The following GRID1 variants were observed in gnomAD, a reference collection of about 807,000 sequenced individuals.
The protein encoded by GRID1 is glutamate receptor ionotropic, delta-1.
A neutral mutation model predicts 98.0 loss-of-function variants in GRID1; 28 were observed. The ratio of observed to expected loss-of-function variants is 0.29; its 90% CI spans 0.21 to 0.39. The LOEUF (loss-of-function observed/expected upper bound fraction) is 0.39. GRID1 is among the 10% of genes least tolerant of loss of function. The pLI, the probability that GRID1 is intolerant of heterozygous loss-of-function variation, is 1.00. For synonymous variants in GRID1, 553 were observed against 538.5 expected, an observed-to-expected ratio of 1.03 and a Z score of -0.37; for missense variants, 1,111 against 1,340.5, an observed-to-expected ratio of 0.83 and a Z score of 2.67.
chr10:85,847,595 G>A (rs1246262439), intron 8 of GRID1, among the ~76,000 whole-genome samples: 1 of 152,016 alleles, frequency 6.6e-6, no homozygotes, highest in Non-Finnish European at 1.5e-5. Flanking sequence ...CAAGTCAATA[G>A]GGAAATGAAG....
intron 5 of GRID1, among the ~76,000 whole-genome samples, chr10:85,871,126 G>C (rs1843274399): frequency 6.6e-6 from 1 of 152,124 alleles, no homozygotes; most frequent in South Asian, 2.1e-4. Flanking sequence ...ATCATACGTT[G>C]AAAATATCAT....
At chr10:86,033,967 T>C (rs564484973) in intron 4 of GRID1, among the ~76,000 whole-genome samples, 7 of 152,358 alleles carry the variant, frequency 4.6e-5, no homozygotes, top group Non-Finnish European at 7.3e-5. Flanking sequence ...CTGAGGATTC[T>C]GTGTCTACAC....
intron 8 of GRID1, among the ~76,000 whole-genome samples, chr10:85,837,327 G>C (rs1209656716): frequency 2.0e-5 from 3 of 152,136 alleles, no homozygotes; most frequent in Admixed American, 1.3e-4. Context: ...CTCCATCAGG[G>C]TTCCTCCTAC....
chr10:85,906,721 G>C (rs1039068491), intron 5 of GRID1, among the ~76,000 whole-genome samples: 9 of 152,066 alleles, frequency 5.9e-5, no homozygotes, highest in Non-Finnish European at 1.0e-4. Context: ...AACATATCAA[G>C]ATTTGTGGGA....
At chr10:85,686,027 C>A (rs1841265143) in intron 12 of GRID1, among the ~76,000 whole-genome samples, 1 of 152,036 alleles carries the variant, frequency 6.6e-6, no homozygotes, top group Non-Finnish European at 1.5e-5. Flanking sequence ...ATCCCCAAGT[C>A]TATTTTGATC....
chr10:85,736,757 T>C (rs1469300821), intron 8 of GRID1, among the ~76,000 whole-genome samples: 1 of 152,184 alleles, frequency 6.6e-6, no homozygotes, highest in African/African-American at 2.4e-5. Context: ...GAACTCACTA[T>C]CTTGAATCAG....
intron 12 of GRID1, among the ~76,000 whole-genome samples, chr10:85,692,380 G>A (rs1313960118): frequency 2.0e-5 from 3 of 152,142 alleles, no homozygotes; most frequent in Admixed American, 1.3e-4. Context: ...CAAAAGGAGA[G>A]GATGGGTGCA....
chr10:86,297,404 T>C (rs1372101779), intron 2 of GRID1, among the ~76,000 whole-genome samples: 1 of 152,198 alleles, frequency 6.6e-6, no homozygotes, highest in Non-Finnish European at 1.5e-5. Context: ...ATTGCGCTGA[T>C]AGTTTTGAGG....
chr10:86,050,037 T>C (rs147986422), intron 4 of GRID1, among the ~76,000 whole-genome samples: 91 of 152,358 alleles, frequency 6.0e-4, no homozygotes, highest in Middle Eastern at 3.4e-3. Context: ...GGAGAAATGA[T>C]GGCATCCATG....
intron 3 of GRID1, among the ~76,000 whole-genome samples, chr10:86,193,623 T>C (rs1845835337): frequency 6.6e-6 from 1 of 151,978 alleles, no homozygotes; most frequent in Non-Finnish European, 1.5e-5. Context: ...GTTGGAAAGT[T>C]CCTTGACATA....
In GRID1 at chr10:85,769,400, A is replaced by T. The variant is rs554769210; in HGVS notation, c.1234-39786T>A. Among the ~76,000 whole-genome samples the T allele has an allele frequency of 3.5e-3, 527 of 152,344 alleles. 4 individuals are homozygous for T. The highest frequency in any genetic ancestry group is 0.012 in the African/African-American group (505 of 41,584). ...CTACAGCTCCCAGCGTGAGCGACAC[A>T]GAAGACGGGTGATTTCTGCATTTCC... On this transcript the variant is annotated intron_variant, in intron 8 of 15. Coordinates refer to ENST00000327946, the MANE Select transcript of GRID1 (RefSeq NM_017551.3).
chr10:86,049,533 G>A (rs996651258), intron 4 of GRID1, among the ~76,000 whole-genome samples: 1 of 152,194 alleles, frequency 6.6e-6, no homozygotes, highest in Admixed American at 6.5e-5. Context: ...GCCACACCAG[G>A]AAGAGACGTG....
At chr10:86,017,691 T>C (rs1842997165) in intron 4 of GRID1, among the ~76,000 whole-genome samples, 1 of 152,202 alleles carries the variant, frequency 6.6e-6, no homozygotes, top group African/African-American at 2.4e-5. Flanking sequence ...ACAACACAAG[T>C]GTCCTTCCAC....
chr10:85,729,154 G>T (rs1217021848), intron 9 of GRID1, among the ~76,000 whole-genome samples: 1 of 152,098 alleles, frequency 6.6e-6, no homozygotes, highest in Non-Finnish European at 1.5e-5. Flanking sequence ...CTATCTTGGG[G>T]TTCTGGCTAC....
intron 2 of GRID1, among the ~76,000 whole-genome samples, chr10:86,246,231 T>C (rs1364395899): frequency 6.6e-6 from 1 of 152,142 alleles, no homozygotes; most frequent in Non-Finnish European, 1.5e-5. Context: ...TCAGCTGCAC[T>C]CACCGGCCCT....
chr10:85,700,860 T>G (rs992835991), intron 12 of GRID1, among the ~76,000 whole-genome samples: 1 of 152,222 alleles, frequency 6.6e-6, no homozygotes, highest in Non-Finnish European at 1.5e-5. Flanking sequence ...TTTTAAGGAA[T>G]GTATAGATTC....
chr10:86,078,255 GC>G (rs1474561682), intron 4 of GRID1, among the ~76,000 whole-genome samples: 6 of 152,262 alleles, frequency 3.9e-5, no homozygotes, highest in African/African-American at 1.4e-4. Context: ...GCTTAGCAAA[GC>G]CCTGGAACGA....
At chr10:86,229,730 G>A (rs868397347) in intron 2 of GRID1, among the ~76,000 whole-genome samples, 6 of 152,154 alleles carry the variant, frequency 3.9e-5, no homozygotes, top group East Asian at 1.9e-4. Flanking sequence ...GCAGACAGCC[G>A]GGCGTGCGGG....
intron 4 of GRID1, among the ~76,000 whole-genome samples, chr10:85,965,325 AC>A (rs773653444): frequency 2.0e-5 from 3 of 152,264 alleles, no homozygotes; most frequent in Non-Finnish European, 2.9e-5. Flanking sequence ...TACTATGAAG[AC>A]ACATGCACAC....
Sources: gnomAD v4.1 joint callset for allele counts (sites outside exome capture counted in the v4.1 genomes callset) on GRCh38, gnomAD v4.1.1 for gene constraint, MANE v1.5 for transcripts, NCBI Gene and HGNC (gene_info 2026-07-23, HGNC 2026-07-21) for gene names.